Variants in CTNNB1 observed in about 807,000 individuals in gnomAD.
CTNNB1 encodes the protein catenin beta-1.
CTNNB1 carries 6 observed loss-of-function variants against 82.5 expected under a neutral mutation model. The ratio of observed to expected loss-of-function variants is 0.07; its 90% CI spans 0.04 to 0.14. The LOEUF is 0.14. CTNNB1 is among the 10% of genes least tolerant of loss of function. The pLI, the probability that CTNNB1 is intolerant of heterozygous loss-of-function variation, is 1.00. For missense variants in CTNNB1, 529 were observed against 980.4 expected, an observed-to-expected ratio of 0.54 and a Z score of 6.15; for synonymous variants, 312 against 329.7, an observed-to-expected ratio of 0.95 and a Z score of 0.58.
chr3:41,214,997 A>T (rs982439932), intron 1 of CTNNB1, among the ~76,000 whole-genome samples: 3 of 152,102 alleles, frequency 2.0e-5, no homozygotes, highest in Non-Finnish European at 2.9e-5. Context: ...CTGATGCTTT[A>T]CAGAAAAAGT....
intron 1 of CTNNB1, among the ~76,000 whole-genome samples, chr3:41,218,435 T>A (rs187271196): frequency 2.6e-5 from 4 of 152,346 alleles, no homozygotes; most frequent in Non-Finnish European, 4.4e-5. Context: ...ATCTTCCCAT[T>A]TACTCTCGTA....
At chr3:41,216,545 C>T (rs762955202) in intron 1 of CTNNB1, among the ~76,000 whole-genome samples, 6 of 152,186 alleles carry the variant, frequency 3.9e-5, no homozygotes, top group Non-Finnish European at 7.3e-5. Flanking sequence ...TTGGTTACCA[C>T]TTTTTTTATT....
Position 41,233,648 on chromosome 3 carries a change from G to A in CTNNB1, c.1305G>A (p.Lys435=), listed in dbSNP as rs747432761. The A allele has an allele frequency of 3.7e-6, 6 of 1,614,040 alleles. No homozygotes were observed. In the South Asian group the frequency reaches 5.5e-5, roughly 15 times the overall value. Residue 435 remains lysine, a synonymous_variant, in exon 9 of 15, where the codon AAG becomes AAA. Coordinates refer to ENST00000349496, the MANE Select transcript of CTNNB1 (RefSeq NM_001904.4). ...SNLTCNNYKN[K]MMVCQVGGIE... ...TCACTTGCAATAATTATAAGAACAA[G>A]ATGATGGTCTGCCAAGTGGGTGGTA...
intron 13 of CTNNB1, 172 bp from the exon 14 acceptor site, chr3:41,237,844 G>A: frequency 1.6e-6 from 1 of 610,448 alleles, no homozygotes; most frequent in South Asian, 1.9e-5. Flanking sequence ...AAAAAAAAAT[G>A]TATCTTTGAG....
intron 11 of CTNNB1, chr3:41,236,080 CAGGGCATAGA>C: frequency 1.5e-6 from 1 of 681,834 alleles, no homozygotes; most frequent in East Asian, 2.7e-5. Flanking sequence ...CTGCCAGAGG[CAGGGCATAGA>C]CCCCCAACCA....
At chr3:41,216,602 T>C (rs1450439128) in intron 1 of CTNNB1, among the ~76,000 whole-genome samples, 1 of 152,248 alleles carries the variant, frequency 6.6e-6, no homozygotes, top group Non-Finnish European at 1.5e-5. Flanking sequence ...GACTGAGTAG[T>C]TGCCACATTT....
intron 13 of CTNNB1, chr3:41,237,197 T>TG (rs2078455912): frequency 5.3e-6 from 1 of 187,224 alleles, no homozygotes; most frequent in Non-Finnish European, 1.1e-5. Context: ...TAGAGATCAT[T>TG]GATGGTACAC....
At chr3:41,215,566 A>G (rs2125602189) in intron 1 of CTNNB1, among the ~76,000 whole-genome samples, 1 of 152,226 alleles carries the variant, frequency 6.6e-6, no homozygotes, top group South Asian at 2.1e-4. Context: ...TTAAGCGAGA[A>G]GCTGTTTCTA....
At chr3:41,220,766 C>A (rs2078028076) in intron 1 of CTNNB1, 1 of 152,140 alleles carries the variant, frequency 6.6e-6, no homozygotes, top group South Asian at 2.1e-4. Flanking sequence ...TAGTATAAAA[C>A]TGTGGTTTTA....
At chr3:41,215,382 C>CAAAAAAAA (rs35166040) in intron 1 of CTNNB1, among the ~76,000 whole-genome samples, 1 of 48,848 alleles carries the variant, frequency 2.0e-5, no homozygotes, top group African/African-American at 1.0e-4. Flanking sequence ...AACACCATCT[C>CAAAAAAAA]AAAAAAAAAA....
In CTNNB1 at chr3:41,239,286, G is replaced by A. The variant is rs1189472809; in HGVS notation, c.2290G>A (p.Asp764Asn). Residue 764 changes from aspartate to asparagine, a missense_variant, in exon 15 of 15, where the codon GAT becomes AAT. Transcript: ENST00000349496. ...TCTGGGGCATGCCCAGGACCTCATG[G>A]ATGGGCTGCCTCCAGGTGACAGCAA... ...PDLGHAQDLMDGLPPGDSNQL... is the reference protein window; with the variant it reads ...PDLGHAQDLMNGLPPGDSNQL... The A allele has an allele frequency of 6.2e-7, 1 of 1,614,190 alleles. No individual in the cohort carries two copies. The highest frequency in any genetic ancestry group is 8.5e-7 in the Non-Finnish European group (1 of 1,180,028).
rs1436039799 is a variant in CTNNB1, at chr3:41,239,276, G to A, written c.2280G>A (p.Gln760=). The change falls in exon 15 of 15, where the codon CAG becomes CAA. Residue 760 remains glutamine (Q), a synonymous_variant. Transcript: ENST00000349496. The stretch of plus-strand genomic sequence containing the variant: ...GGCTGCCAGATCTGGGGCATGCCCA[G>A]GACCTCATGGATGGGCTGCCTCCAG... ...VDGLPDLGHA[Q]DLMDGLPPGD... 1 of 1,614,184 alleles carries A rather than the reference G, an allele frequency of 6.2e-7. No homozygotes were observed. Among genetic ancestry groups the A allele is most frequent in the South Asian group, 1.1e-5 (1 of 91,088 alleles).
chr3:41,203,943 A>G (rs1003036471), intron 1 of CTNNB1, among the ~76,000 whole-genome samples: 1 of 152,200 alleles, frequency 6.6e-6, no homozygotes, highest in Non-Finnish European at 1.5e-5. Context: ...GTTTTTCAGA[A>G]TATGTTGCTG....
chr3:41,236,928 T>TA (rs1464417184), intron 13 of CTNNB1: 13 of 613,830 alleles, frequency 2.1e-5, no homozygotes, highest in Non-Finnish European at 3.4e-5. Flanking sequence ...TTGTGTTATT[T>TA]AAAATTATAA....
chr3:41,226,115 A>G (rs1377132643), intron 6 of CTNNB1, among the ~76,000 whole-genome samples: 2 of 152,134 alleles, frequency 1.3e-5, no homozygotes, highest in African/African-American at 2.4e-5. Context: ...TTCTACTCCT[A>G]TGAGACTCTC....
intron 1 of CTNNB1, among the ~76,000 whole-genome samples, chr3:41,217,461 AAT>A (rs1318427447): frequency 6.6e-6 from 1 of 152,192 alleles, no homozygotes; most frequent in African/African-American, 2.4e-5. Context: ...TCAGTGGGTG[AAT>A]ATATGTTCCA....
intron 1 of CTNNB1, among the ~76,000 whole-genome samples, chr3:41,202,226 T>G (rs2125582381): frequency 6.6e-6 from 1 of 152,360 alleles, no homozygotes; most frequent in Non-Finnish European, 1.5e-5. Flanking sequence ...AAGATTATTT[T>G]TATTTCTCTT....
At chr3:41,224,254 C>A in intron 2 of CTNNB1, 173 bp downstream of exon 2, 1 of 834,776 alleles carries the variant, frequency 1.2e-6, no homozygotes. Flanking sequence ...AAACAAGCCA[C>A]CAGCAGGAAT....
At chr3:41,232,691 C>CA (rs1401134459) in intron 7 of CTNNB1, among the ~76,000 whole-genome samples, 1 of 151,976 alleles carries the variant, frequency 6.6e-6, no homozygotes, top group African/African-American at 2.4e-5. Flanking sequence ...GTTTTGTAGT[C>CA]AGTGAATTGT....
Sources: allele counts gnomAD v4.1 joint callset (sites outside exome capture counted in the v4.1 genomes callset), GRCh38; gene constraint gnomAD v4.1.1; transcripts MANE v1.5; gene names NCBI Gene and HGNC (gene_info 2026-07-23, HGNC 2026-07-21).